RSPH9: variants seen among roughly 807,000 people sequenced by gnomAD.
RSPH9 encodes the protein radial spoke head component 9.
RSPH9 carries 27 observed loss-of-function variants against 27.0 expected under a neutral mutation model. That is an observed-to-expected ratio of 1.00 (90% CI 0.74 to 1.38). The LOEUF (loss-of-function observed/expected upper bound fraction) is 1.38, where lower values mean the gene tolerates loss of function less well. RSPH9 is among the 40% of genes most tolerant of loss of function. RSPH9 has a pLI of 0.00. For missense variants in RSPH9, 347 were observed against 357.4 expected, an observed-to-expected ratio of 0.97 and a Z score of 0.24; for synonymous variants, 145 against 147.7, an observed-to-expected ratio of 0.98 and a Z score of 0.13.
At chr6:43,656,467 T>C in intron 3 of RSPH9, 110 bp from the exon 4 acceptor site, 1 of 1,220,838 alleles carries the variant, frequency 8.2e-7, no homozygotes. Context: ...TCTCTGACAG[T>C]GGTTGACAGG....
intron 4 of RSPH9, among the ~76,000 whole-genome samples, chr6:43,661,247 A>C (rs1772576298): frequency 6.6e-6 from 1 of 152,210 alleles, no homozygotes; most frequent in South Asian, 2.1e-4. Context: ...GGATTTCCAA[A>C]ATGGTAAATA....
chr6:43,670,880 C>T lies in RSPH9; in HGVS notation c.762C>T (p.Arg254=), dbSNP rs756476977. ...WPGLTFYHAP[R]TKNYGYVYVG... is the part of the protein sequence containing the mutation. ...GCCTCACCTTCTACCATGCTCCCCG[C>T]ACCAAGAACTATGGCTACGTCTACG... is the stretch of plus-strand genomic sequence containing the variant. Residue 254 remains arginine, a synonymous_variant, in exon 5 of 5, where the codon CGC becomes CGT. Coordinates refer to ENST00000372163, the MANE Select transcript of RSPH9 (RefSeq NM_152732.5). The T allele has an allele frequency of 1.4e-5, 23 of 1,614,102 alleles. No individual in the cohort carries two copies. The highest frequency in any genetic ancestry group is 1.9e-5 in the Non-Finnish European group (22 of 1,180,026).
Position 43,645,320 on chromosome 6 carries a change from C to A in RSPH9, c.222C>A (p.Leu74=), listed in dbSNP as rs1561934970. The A allele has an allele frequency of 1.5e-6, 2 of 1,359,722 alleles. No homozygotes were observed. The highest frequency in any genetic ancestry group is 4.6e-5 in the East Asian group (1 of 21,798). 84.2% of individuals were successfully genotyped at this position (1,359,722 alleles called of 1,614,324 possible). A position where few individuals can be genotyped will look rare whatever the true frequency, so the allele number is the denominator to read the frequency against. The change falls in exon 1 of 5, where the codon CTC becomes CTA. Residue 74 remains leucine, a synonymous_variant. Transcript: ENST00000372163. ...SEDQLAPRKT[L]YSLNCTEWSL... is the part of the protein sequence containing the mutation. ...ACCAGCTCGCACCGCGCAAGACGCT[C>A]TATAGGTGAGGAGGCCCCCGGGACG...
At chr6:43,660,447 A>G (rs1223283377) in intron 4 of RSPH9, among the ~76,000 whole-genome samples, 1 of 151,630 alleles carries the variant, frequency 6.6e-6, no homozygotes, top group Non-Finnish European at 1.5e-5. Flanking sequence ...TGAGTCATGC[A>G]TATTCTTTTT....
chr6:43,668,470 A>G (rs1168541932), intron 4 of RSPH9, among the ~76,000 whole-genome samples: 2 of 151,954 alleles, frequency 1.3e-5, no homozygotes, highest in African/African-American at 4.8e-5. Flanking sequence ...AGGCGGGGGC[A>G]CTGTATTTCC....
intron 3 of RSPH9, among the ~76,000 whole-genome samples, chr6:43,656,338 G>A (rs192736422): frequency 6.6e-6 from 1 of 152,212 alleles, no homozygotes; most frequent in Non-Finnish European, 1.5e-5. Flanking sequence ...TGCCTGCCTC[G>A]GCTTCCCAAA....
Position 43,666,649 on chromosome 6 carries a change from T to A in RSPH9, c.671-4140T>A, listed in dbSNP as rs1582397890. On this transcript the variant is annotated intron_variant, in intron 4 of 4. Transcript: ENST00000372163. ...GTGTCCAGGGATCCGCAAAGTTCCA[T>A]GGGAGTGGGTAGCTGGTTCTGGGGT... 6 of 611,028 alleles carry A rather than the reference T, an allele frequency of 9.8e-6. No homozygotes were observed. The East Asian group carries it at 1.5e-4, about 15-fold the overall frequency. The allele number at this position is 611,028 out of a possible 1,614,324, so 37.9% of individuals were successfully genotyped here.
At chr6:43,657,566 C>T (rs77709040) in intron 4 of RSPH9, among the ~76,000 whole-genome samples, 6,315 of 152,216 alleles carry the variant, frequency 0.041, 276 homozygotes, top group East Asian at 0.22. Context: ...GTTTAAATGA[C>T]AATAGGAACC....
intron 3 of RSPH9, among the ~76,000 whole-genome samples, chr6:43,656,287 T>C (rs1471913978): frequency 6.6e-6 from 1 of 152,170 alleles, no homozygotes; most frequent in African/African-American, 2.4e-5. Context: ...GGTTTTGCCA[T>C]GTTGGCCAGG....
At chr6:43,668,420 C>G (rs998554532) in intron 4 of RSPH9, among the ~76,000 whole-genome samples, 1 of 152,112 alleles carries the variant, frequency 6.6e-6, no homozygotes, top group African/African-American at 2.4e-5. Flanking sequence ...CTACCGTACT[C>G]CACCAGCACC....
chr6:43,653,480 C>A (rs1479479726), intron 2 of RSPH9, among the ~76,000 whole-genome samples: 2 of 150,790 alleles, frequency 1.3e-5, no homozygotes, highest in Non-Finnish European at 2.9e-5. Context: ...ATATAGACAT[C>A]ACTTCCATTG....
At chr6:43,665,349 G>T (rs1312696799) in intron 4 of RSPH9, among the ~76,000 whole-genome samples, 2 of 152,268 alleles carry the variant, frequency 1.3e-5, no homozygotes, top group African/African-American at 2.4e-5. Flanking sequence ...AAAGGCTGCT[G>T]GGGTTGGGGC....
Position 43,645,136 on chromosome 6 carries a change from C to G in RSPH9, c.38C>G (p.Ala13Gly), listed in dbSNP as rs1770707558. The part of the protein sequence containing the change: ...ADSLLLSLEL[A>G]SGSGQGLSPD... Reference sequence around the variant, plus strand: ...AGCCTCCTGCTGTCTCTGGAGCTGGCGTCCGGCAGTGGGCAGGGCCTCAGC... The same window carrying G: ...AGCCTCCTGCTGTCTCTGGAGCTGGGGTCCGGCAGTGGGCAGGGCCTCAGC... The change falls in exon 1 of 5, where the codon GCG (alanine) becomes GGG (glycine). Residue 13 changes from alanine (A) to glycine (G), a missense_variant. Coordinates refer to ENST00000372163, the MANE Select transcript of RSPH9 (RefSeq NM_152732.5). 1.2e-6 allele frequency: 2 copies of G among 1,613,074 alleles called. No individual in the cohort carries two copies. Among genetic ancestry groups the G allele is most frequent in the Non-Finnish European group, 1.7e-6 (2 of 1,179,968 alleles).
intron 2 of RSPH9, among the ~76,000 whole-genome samples, chr6:43,651,605 G>A (rs1771475705): frequency 6.6e-6 from 1 of 151,904 alleles, no homozygotes; most frequent in Non-Finnish European, 1.5e-5. Context: ...CTGAAGTGCA[G>A]TGGCGCCATC....
chr6:43,655,599 T>C lies in RSPH9; in HGVS notation c.431T>C (p.Ile144Thr), dbSNP rs146387591. Reference protein sequence around the residue: ...IKEETRLVSVIDQIDKAVAII... With the variant: ...IKEETRLVSVTDQIDKAVAII... Reference sequence around the variant, plus strand: ...GAAGAGACCCGCTTGGTGTCTGTCATTGACCAGATTGACAAGGCTGTGGCC... The same window carrying C: ...GAAGAGACCCGCTTGGTGTCTGTCACTGACCAGATTGACAAGGCTGTGGCC... The change falls in exon 3 of 5, where the codon ATT (isoleucine) becomes ACT (threonine). Residue 144 changes from isoleucine to threonine, a missense_variant. Coordinates refer to ENST00000372163, the MANE Select transcript of RSPH9 (RefSeq NM_152732.5). 1 of 1,614,140 alleles carries C rather than the reference T, an allele frequency of 6.2e-7. No individual in the cohort carries two copies. The highest frequency in any genetic ancestry group is 8.5e-7 in the Non-Finnish European group (1 of 1,180,006).
At chr6:43,664,815 C>T (rs572670296) in intron 4 of RSPH9, among the ~76,000 whole-genome samples, 2 of 152,318 alleles carry the variant, frequency 1.3e-5, no homozygotes, top group African/African-American at 4.8e-5. Context: ...AGACTCCCCT[C>T]ATCTCCTCCA....
chr6:43,654,833 A>G (rs1253030924), intron 2 of RSPH9, among the ~76,000 whole-genome samples: 3 of 151,940 alleles, frequency 2.0e-5, no homozygotes, highest in Non-Finnish European at 4.4e-5. Flanking sequence ...AGAAATAAAT[A>G]AATAAAAATA....
chr6:43,671,885 A>G lies in RSPH9; in HGVS notation c.*936A>G. On this transcript the variant is annotated 3_prime_UTR_variant, in exon 5 of 5. Coordinates refer to ENST00000372163, the MANE Select transcript of RSPH9 (RefSeq NM_152732.5). ...TTTTGTAGATGGGCTTGACGGAGCC[A>G]GGAGCCCAGCGCGTCAGGTACCTGT... is the stretch of plus-strand genomic sequence containing the variant. 1 of 1,612,784 alleles carries G rather than the reference A, an allele frequency of 6.2e-7. No homozygotes were observed. The highest frequency in any genetic ancestry group is 8.5e-7 in the Non-Finnish European group (1 of 1,179,306).
intron 4 of RSPH9, among the ~76,000 whole-genome samples, chr6:43,658,838 C>T (rs1047184303): frequency 1.3e-5 from 2 of 152,248 alleles, no homozygotes; most frequent in Admixed American, 6.5e-5. Context: ...GCCACCATGC[C>T]CAGACATGCC....
Sources: gnomAD v4.1 joint callset for allele counts (sites outside exome capture counted in the v4.1 genomes callset) on GRCh38, gnomAD v4.1.1 for gene constraint, MANE v1.5 for transcripts, NCBI Gene and HGNC (gene_info 2026-07-23, HGNC 2026-07-21) for gene names.